Variants in CREBBP observed in about 807,000 individuals in gnomAD.
CREBBP encodes CREB binding lysine acetyltransferase.
In CREBBP, 19 loss-of-function variants were observed where a neutral mutation model predicts 265.0. The ratio of observed to expected loss-of-function variants is 0.07; its 90% CI spans 0.05 to 0.11. The LOEUF is 0.11. CREBBP is among the 10% of genes least tolerant of loss of function. The pLI, the probability that CREBBP is intolerant of heterozygous loss-of-function variation, is 1.00. For synonymous variants in CREBBP, 1,457 were observed against 1,223.7 expected (o/e 1.19, Z -3.98); for missense variants, 2,525 against 3,219.0 (o/e 0.78, Z 5.22).
chr16:3,780,249 A>AT (rs1185953360), intron 8 of CREBBP, among the ~76,000 whole-genome samples: 1 of 151,700 alleles, frequency 6.6e-6, no homozygotes, highest in African/African-American at 2.4e-5. Flanking sequence ...CTCAAAAAAA[A>AT]AAAAAAAAAA....
chr16:3,872,708 C>A (rs372212744), intron 1 of CREBBP, among the ~76,000 whole-genome samples: 3 of 152,234 alleles, frequency 2.0e-5, no homozygotes, highest in African/African-American at 7.2e-5. Context: ...ACGGGACAAC[C>A]AGAAGAGGAC....
At chr16:3,751,671 A>C (rs1432603418) in intron 20 of CREBBP, 55 bp downstream of exon 20, 2 of 1,552,726 alleles carry the variant, frequency 1.3e-6, no homozygotes, top group Non-Finnish European at 1.8e-6. Flanking sequence ...AAGAGGAAAA[A>C]ACAATTTAAG....
intron 17 of CREBBP, 96 bp downstream of exon 17, chr16:3,758,758 C>A (rs1048750289): frequency 2.4e-5 from 23 of 950,662 alleles, no homozygotes; most frequent in Non-Finnish European, 3.6e-5. Flanking sequence ...ATCTTCAAGG[C>A]AGGGGGATTA....
At chr16:3,859,834 C>G (rs117310981) in intron 1 of CREBBP, among the ~76,000 whole-genome samples, 5 of 152,214 alleles carry the variant, frequency 3.3e-5, no homozygotes, top group African/African-American at 4.8e-5. Flanking sequence ...ACGCCTTGCC[C>G]TATCACCTGA....
intron 19 of CREBBP, 109 bp downstream of exon 19, chr16:3,757,179 T>G: frequency 1.0e-6 from 1 of 974,456 alleles, no homozygotes; most frequent in Non-Finnish European, 1.6e-6. Context: ...CGGCCTGAAA[T>G]TGGGCCACTT....
At chr16:3,776,880 TG>T (rs1341764383) in intron 11 of CREBBP, among the ~76,000 whole-genome samples, 2 of 150,742 alleles carry the variant, frequency 1.3e-5, no homozygotes, top group Non-Finnish European at 2.9e-5. Context: ...TAGCTGGGCG[TG>T]GTGGCAGGTG....
intron 2 of CREBBP, among the ~76,000 whole-genome samples, chr16:3,829,657 T>C (rs2054303838): frequency 6.6e-6 from 1 of 152,198 alleles, no homozygotes. Flanking sequence ...AAAAACAAGC[T>C]TTGAGAGAAT....
chr16:3,804,414 C>G (rs1258571516), intron 3 of CREBBP, among the ~76,000 whole-genome samples: 1 of 152,170 alleles, frequency 6.6e-6, no homozygotes, highest in Non-Finnish European at 1.5e-5. Context: ...ACTGGACAGA[C>G]TGTCTTTTTG....
Position 3,810,754 on chromosome 16 carries a change from G to A in CREBBP, c.824C>T (p.Pro275Leu), listed in dbSNP as rs978232300. The change falls in exon 3 of 31, where the codon CCA becomes CTA. Residue 275 changes from proline to leucine, a missense_variant. Transcript: ENST00000262367. ...AGCTTGACTAAAGGGCTGTCCAAATGGACTTGTGTTCCCAGTTATTCCCAT... is the reference window on the plus strand; with the variant it reads ...AGCTTGACTAAAGGGCTGTCCAAATAGACTTGTGTTCCCAGTTATTCCCAT... ...AKMGITGNTS[P>L]FGQPFSQAGG... The A allele has an allele frequency of 1.9e-6, 3 of 1,613,854 alleles. No individual in the cohort carries two copies. The highest frequency in any genetic ancestry group is 2.5e-6 in the Non-Finnish European group (3 of 1,180,016).
At chr16:3,751,698 C>A in intron 20 of CREBBP, 28 bp downstream of exon 20, 1 of 1,610,090 alleles carries the variant, frequency 6.2e-7, no homozygotes, top group Non-Finnish European at 8.5e-7. Flanking sequence ...CTCCCTCACC[C>A]CAGAGAAAAT....
chr16:3,870,232 G>A (rs1294769454), intron 1 of CREBBP, among the ~76,000 whole-genome samples: 1 of 152,082 alleles, frequency 6.6e-6, no homozygotes, highest in Admixed American at 6.6e-5. Context: ...TGCAGGAGGA[G>A]AAAAGTCACA....
chr16:3,762,774 G>A (rs929912360), intron 16 of CREBBP, among the ~76,000 whole-genome samples: 2 of 151,724 alleles, frequency 1.3e-5, no homozygotes, highest in South Asian at 2.1e-4. Context: ...GGTCACCCTG[G>A]TCACATTTTT....
chr16:3,737,656 G>A (rs2052099320), intron 26 of CREBBP, among the ~76,000 whole-genome samples: 1 of 151,948 alleles, frequency 6.6e-6, no homozygotes, highest in African/African-American at 2.4e-5. Context: ...TACAGACAGG[G>A]TTTCACCATG....
rs1350677585 is a variant in CREBBP at position 3,726,406 on chromosome 16, G to A, written c.*1312C>T. 2 of 233,046 alleles carry A rather than the reference G, an allele frequency of 8.6e-6. No individual in the cohort carries two copies. Among genetic ancestry groups the A allele is most frequent in the Non-Finnish European group, 1.7e-5 (2 of 118,010 alleles). The allele number at this position is 233,046 out of a possible 1,614,324, so 14.4% of individuals were successfully genotyped here. A position where few individuals can be genotyped will look rare whatever the true frequency, so the allele number is the denominator to read the frequency against. ...TGAGCCTCGAATGTGTGGGGCCAAC[G>A]CTGAGCCGCCCACCTCAGTCGCCCA... On this transcript the variant is annotated 3_prime_UTR_variant, in exon 31 of 31. Coordinates refer to ENST00000262367, the MANE Select transcript of CREBBP (RefSeq NM_004380.3).
At chr16:3,742,946 T>C (rs1017617744) in intron 23 of CREBBP, 1 of 152,210 alleles carries the variant, frequency 6.6e-6, no homozygotes, top group Non-Finnish European at 1.5e-5. Context: ...TCCTGCCCCT[T>C]TCAGGCAATG....
At chr16:3,730,252 T>C (rs183980561) in intron 30 of CREBBP, among the ~76,000 whole-genome samples, 217 of 152,276 alleles carry the variant, frequency 1.4e-3, no homozygotes, top group African/African-American at 5.1e-3. Flanking sequence ...CCCCCTTCCT[T>C]CCGACTTCCT....
At position 3,725,595 on chromosome 16, in the gene CREBBP, A is replaced by G. The variant is rs955457664; in HGVS notation, c.*2123T>C. On this transcript the variant is annotated 3_prime_UTR_variant, in exon 31 of 31. Coordinates refer to ENST00000262367, the MANE Select transcript of CREBBP (RefSeq NM_004380.3). ...CCCGGCCTGTGCTTCCCCTCCTGGG[A>G]TGGGGTGAATGGGGGCTGGTCAGGG... 1 of 233,134 alleles carries G rather than the reference A, an allele frequency of 4.3e-6. No homozygotes were observed. Among genetic ancestry groups the G allele is most frequent in the African/African-American group, 2.2e-5 (1 of 45,338 alleles). 14.4% of individuals were successfully genotyped at this position (233,134 alleles called of 1,614,324 possible).
chr16:3,847,928 G>A (rs1017215043), intron 2 of CREBBP, among the ~76,000 whole-genome samples: 1 of 152,214 alleles, frequency 6.6e-6, no homozygotes, highest in East Asian at 1.9e-4. Context: ...CAGCATTTTG[G>A]GAGGCAGAGG....
Position 3,850,852 on chromosome 16 carries a change from A to G in CREBBP, c.243T>C (p.Ser81=), listed in dbSNP as rs2054819790. Residue 81 remains serine, a synonymous_variant, in exon 2 of 31, where the codon AGT becomes AGC. Coordinates refer to ENST00000262367, the MANE Select transcript of CREBBP (RefSeq NM_004380.3). ...TCACATTTCCTATTCCTGGGTTGAT[A>G]CTAGAGCCGCTGCCTCCTCGTAGAA... The part of the protein sequence containing the change: ...SELLRGGSGS[S]INPGIGNVSA... The G allele has an allele frequency of 6.2e-7, 1 of 1,614,150 alleles. No individual in the cohort carries two copies.
Sources: gnomAD v4.1 joint callset for allele counts (sites outside exome capture counted in the v4.1 genomes callset) on GRCh38, gnomAD v4.1.1 for gene constraint, MANE v1.5 for transcripts, NCBI Gene and HGNC (gene_info 2026-07-23, HGNC 2026-07-21) for gene names.